PSD3: variants seen among roughly 807,000 people sequenced by gnomAD.
PSD3 encodes PH and SEC7 domain-containing protein 3.
In PSD3, 49 loss-of-function variants were observed where a neutral mutation model predicts 105.5. The ratio of observed to expected loss-of-function variants is 0.46; its 90% CI spans 0.37 to 0.59. PSD3 has a LOEUF of 0.59. Ranked by LOEUF, PSD3 falls within the 20% of genes least tolerant of loss-of-function variation. The pLI, the probability that PSD3 is intolerant of heterozygous loss-of-function variation, is 0.00. For missense variants in PSD3, 1,561 were observed against 1,263.8 expected, an observed-to-expected ratio of 1.24 and a Z score of -3.57; for synonymous variants, 557 against 457.8, an observed-to-expected ratio of 1.22 and a Z score of -2.77.
intron 1 of PSD3, among the ~76,000 whole-genome samples, chr8:18,950,050 T>C (rs1823141100): frequency 6.6e-6 from 1 of 152,148 alleles, no homozygotes; most frequent in Non-Finnish European, 1.5e-5. Flanking sequence ...TCAGGGAGGT[T>C]CTGAGGGCAG....
At chr8:18,673,861 G>C (rs577583200) in intron 9 of PSD3, among the ~76,000 whole-genome samples, 1 of 150,248 alleles carries the variant, frequency 6.7e-6, no homozygotes, top group African/African-American at 2.5e-5. Context: ...AGGGCGGGCA[G>C]GGGGGCATGC....
chr8:18,567,558 A>G (rs553809695), intron 14 of PSD3, among the ~76,000 whole-genome samples: 34 of 152,326 alleles, frequency 2.2e-4, no homozygotes, highest in African/African-American at 8.2e-4. Context: ...AGAACTGTAC[A>G]GTAATAGTAA....
intron 1 of PSD3, among the ~76,000 whole-genome samples, chr8:18,961,622 C>A (rs534355081): frequency 1.3e-5 from 2 of 151,826 alleles, no homozygotes; most frequent in Non-Finnish European, 2.9e-5. Flanking sequence ...ACCCAGGAGG[C>A]GGAGGTTGCA....
At chr8:18,729,763 T>C (rs1803596471) in intron 9 of PSD3, among the ~76,000 whole-genome samples, 1 of 152,164 alleles carries the variant, frequency 6.6e-6, no homozygotes, top group Non-Finnish European at 1.5e-5. Context: ...ACAAATGCCA[T>C]TCTGGAGGAA....
In PSD3 at chr8:19,046,482, T is replaced by C. The variant is rs528877176; in HGVS notation, c.324+37724A>G. Among the ~76,000 whole-genome samples the C allele has an allele frequency of 2.0e-5, 3 of 152,316 alleles. No individual in the cohort carries two copies. The South Asian group carries it at 6.2e-4, about 32-fold the overall frequency. ...CGATTTCCTTTATTGGGCCATCACT[T>C]ATTCATTCAACAAATGAGTTAAGTT... On this transcript the variant is annotated intron_variant, in intron 1 of 1. Transcript: ENST00000521475.
intron 1 of PSD3, 115 bp downstream of exon 1, chr8:19,013,448 C>T: frequency 3.5e-6 from 5 of 1,446,894 alleles, no homozygotes; most frequent in Non-Finnish European, 4.7e-6. Flanking sequence ...ACAGCACAAA[C>T]CCAGGTGGCC....
chr8:18,922,131 A>AG (rs754329826), intron 2 of PSD3, among the ~76,000 whole-genome samples: 3 of 152,222 alleles, frequency 2.0e-5, no homozygotes, highest in Admixed American at 6.5e-5. Context: ...GGATCCATGA[A>AG]GGGAGACTGC....
chr8:18,911,460 C>T (rs1391345828), intron 2 of PSD3, among the ~76,000 whole-genome samples: 1 of 152,092 alleles, frequency 6.6e-6, no homozygotes, highest in Non-Finnish European at 1.5e-5. Context: ...CCGTGACTTC[C>T]TTGCTGTGTA....
intron 12 of PSD3, among the ~76,000 whole-genome samples, chr8:18,584,540 G>C (rs1803026400): frequency 1.3e-5 from 2 of 152,216 alleles, no homozygotes; most frequent in Non-Finnish European, 2.9e-5. Context: ...CCTTCTATGA[G>C]ATTGTGAAGC....
At chr8:18,869,234 G>T (rs554136764) in intron 3 of PSD3, among the ~76,000 whole-genome samples, 1 of 134,330 alleles carries the variant, frequency 7.4e-6, no homozygotes, top group South Asian at 2.4e-4. Context: ...CTATCACCTA[G>T]GCTGGGGTGC....
intron 10 of PSD3, among the ~76,000 whole-genome samples, chr8:18,650,503 G>A (rs778489950): frequency 3.9e-5 from 6 of 152,212 alleles, no homozygotes; most frequent in East Asian, 1.9e-4. Flanking sequence ...CCTATATGAC[G>A]TAGCAGAGAC....
At chr8:18,943,825 A>G (rs1822702244) in intron 1 of PSD3, among the ~76,000 whole-genome samples, 1 of 152,092 alleles carries the variant, frequency 6.6e-6, no homozygotes, top group Non-Finnish European at 1.5e-5. Context: ...TGTATGCTGG[A>G]TGTTAAGATG....
At chr8:18,899,648 T>G (rs1005428588) in intron 2 of PSD3, among the ~76,000 whole-genome samples, 2 of 151,980 alleles carry the variant, frequency 1.3e-5, no homozygotes, top group African/African-American at 2.4e-5. Flanking sequence ...GAGTTCTGGG[T>G]GGCTAAGGGT....
chr8:18,668,615 T>C (rs548034493), intron 9 of PSD3, among the ~76,000 whole-genome samples: 2 of 152,224 alleles, frequency 1.3e-5, no homozygotes, highest in Non-Finnish European at 2.9e-5. Flanking sequence ...AGGTCTTTCC[T>C]AAGCCATAGT....
At chr8:19,084,597 G>A (rs1184479806) in exon 1 of PSD3, 2 of 354,438 alleles carry the variant, frequency 5.6e-6, no homozygotes, top group African/African-American at 2.1e-5. Flanking sequence ...GGAGGCAGGG[G>A]CCTGGCAATG....
At chr8:18,710,763 C>T (rs560324242) in intron 9 of PSD3, among the ~76,000 whole-genome samples, 24 of 152,128 alleles carry the variant, frequency 1.6e-4, no homozygotes, top group East Asian at 1.4e-3. Flanking sequence ...CTCACTGCAA[C>T]GTCCAACTCC....
At chr8:19,068,934 C>G (rs76532370) in intron 1 of PSD3, among the ~76,000 whole-genome samples, 1 of 151,936 alleles carries the variant, frequency 6.6e-6, no homozygotes, top group African/African-American at 2.4e-5. Context: ...TCCAGCAAGT[C>G]CCTTCTACCA....
chr8:18,548,053 T>C (rs373136624), intron 15 of PSD3, among the ~76,000 whole-genome samples: 10 of 152,210 alleles, frequency 6.6e-5, no homozygotes, highest in African/African-American at 2.2e-4. Flanking sequence ...TGTTTTCAAG[T>C]TCTCAGCTTC....
intron 10 of PSD3, among the ~76,000 whole-genome samples, chr8:18,649,039 C>A (rs1309859651): frequency 6.6e-6 from 1 of 152,240 alleles, no homozygotes; most frequent in Non-Finnish European, 1.5e-5. Flanking sequence ...CTTGGAGAAC[C>A]TTTACTAGGG....
Sources: allele counts gnomAD v4.1 joint callset (sites outside exome capture counted in the v4.1 genomes callset), GRCh38; gene constraint gnomAD v4.1.1; transcripts MANE v1.5; gene names NCBI Gene and HGNC (gene_info 2026-07-23, HGNC 2026-07-21).